The following LDHAL6A variants were observed in gnomAD, a reference collection of about 807,000 sequenced individuals.
LDHAL6A encodes L-lactate dehydrogenase A-like 6A.
Under a neutral mutation model 28.2 loss-of-function variants are expected in LDHAL6A, and 19 were observed. The ratio of observed to expected loss-of-function variants is 0.67; its 90% CI spans 0.47 to 0.99. The LOEUF is 0.99. Ranked by LOEUF, LDHAL6A falls within the 50% of genes least tolerant of loss-of-function variation. LDHAL6A has a pLI of 0.00. For missense variants in LDHAL6A, 372 were observed against 398.6 expected (o/e 0.93, Z 0.57); for synonymous variants, 144 against 134.4 (o/e 1.07, Z -0.49).
chr11:18,464,968 G>GTTTTTTTTTTTTTTTTTTTTTT (rs1565068644), intron 2 of LDHAL6A, among the ~76,000 whole-genome samples: 4 of 3,802 alleles, frequency 1.1e-3, no homozygotes, highest in African/African-American at 1.4e-3. Context: ...GAGGTGAGGT[G>GTTTTTTTTTTTTTTTTTTTTTT]TTTTTTTTGT....
intron 3 of LDHAL6A, among the ~76,000 whole-genome samples, chr11:18,468,026 T>TATATAC (rs1565071669): frequency 1.3e-4 from 7 of 53,756 alleles, no homozygotes; most frequent in African/African-American, 7.4e-4. Context: ...TATATATACG[T>TATATAC]ATATATATAT....
At position 18,475,527 on chromosome 11, in the gene LDHAL6A, A is replaced by G; in HGVS notation, c.480A>G (p.Gly160=). The G allele has an allele frequency of 6.2e-7, 1 of 1,613,944 alleles. No homozygotes were observed. The highest frequency in any genetic ancestry group is 1.3e-5 in the African/African-American group (1 of 75,030). Residue 160 remains glycine (G), a synonymous_variant, in exon 4 of 7, where the codon GGA becomes GGG. Coordinates refer to ENST00000280706, the MANE Select transcript of LDHAL6A (RefSeq NM_144972.5). ...GATTTCCCAAAAACCGTGTTATTGGAAGTGGTTGTAATCTGGACTCTGCTC... is the reference window on the plus strand; with the variant it reads ...GATTTCCCAAAAACCGTGTTATTGGGAGTGGTTGTAATCTGGACTCTGCTC... ...LSGFPKNRVI[G]SGCNLDSARF...
At chr11:18,466,939 T>C (rs1342641164) in intron 3 of LDHAL6A, among the ~76,000 whole-genome samples, 1 of 152,062 alleles carries the variant, frequency 6.6e-6, no homozygotes, top group African/African-American at 2.4e-5. Flanking sequence ...ACTTCGAGAG[T>C]TTTTCCTTTG....
intron 1 of LDHAL6A, 44 bp from the exon 2 acceptor site, chr11:18,463,917 T>C (rs921029827): frequency 8.1e-7 from 1 of 1,235,520 alleles, no homozygotes; most frequent in Non-Finnish European, 1.2e-6. Context: ...CTCCAGTTAA[T>C]CAAGAGATAC....
chr11:18,457,352 CCTTT>C (rs1318293004), intron 1 of LDHAL6A, among the ~76,000 whole-genome samples: 1 of 152,046 alleles, frequency 6.6e-6, no homozygotes, highest in Non-Finnish European at 1.5e-5. Context: ...GATTCTGACC[CCTTT>C]CTAAGAATAT....
At chr11:18,466,039 A>G (rs917816296) in intron 3 of LDHAL6A, among the ~76,000 whole-genome samples, 4 of 152,164 alleles carry the variant, frequency 2.6e-5, no homozygotes, top group Admixed American at 1.3e-4. Context: ...GTGCACCCAC[A>G]TGTTTAGCTC....
At chr11:18,464,976 T>TG (rs1491121855) in intron 2 of LDHAL6A, among the ~76,000 whole-genome samples, 3 of 9,556 alleles carry the variant, frequency 3.1e-4, no homozygotes, top group Admixed American at 1.2e-3. Context: ...GTGTTTTTTT[T>TG]GTTTTTTTTT....
rs754799945 is a variant in LDHAL6A, at chr11:18,464,984, T to TTG, written c.245-652_245-651insGT. On this transcript the variant is annotated intron_variant, in intron 2 of 6. Transcript: ENST00000280706. ...AGGTGAGGTGTTTTTTTTGTTTTTT[T>TTG]TTGTTTTGTTTTGTTTTGGTTTGTT... Among the ~76,000 whole-genome samples the TTG allele has an allele frequency of 1.3e-3, 166 of 128,870 alleles. 6 individuals are homozygous for TTG. Among genetic ancestry groups the TTG allele is most frequent in the Non-Finnish European group, 1.4e-3 (85 of 62,308 alleles). The allele number at this position is 128,870 out of a possible 152,430, so 84.5% of individuals were successfully genotyped here.
At chr11:18,467,864 T>A (rs11024667) in intron 3 of LDHAL6A, among the ~76,000 whole-genome samples, 28,872 of 59,164 alleles carry the variant, frequency 0.49, 6,586 homozygotes, top group East Asian at 0.62. Flanking sequence ...TCAAAAAAAA[T>A]ATATATATAT....
At chr11:18,457,549 C>T (rs1205932517) in intron 1 of LDHAL6A, among the ~76,000 whole-genome samples, 1 of 152,096 alleles carries the variant, frequency 6.6e-6, no homozygotes, top group Non-Finnish European at 1.5e-5. Flanking sequence ...GACATAGTGA[C>T]CTTATGGCAC....
At position 18,465,652 on chromosome 11, in the gene LDHAL6A, C is replaced by G. The variant is rs760606849; in HGVS notation, c.260C>G (p.Ala87Gly). The G allele has an allele frequency of 2.5e-6, 4 of 1,612,998 alleles. No homozygotes were observed. Among genetic ancestry groups the G allele is most frequent in the Non-Finnish European group, 2.5e-6 (3 of 1,179,644 alleles). ...IVSSKDYLVT[A>G]NSNLVIITAG... is the part of the protein sequence containing the mutation. Reference sequence around the variant, plus strand: ...CTTTCCTCAGATTACCTGGTCACTGCAAACTCCAATCTAGTGATTATCACA... The same window carrying G: ...CTTTCCTCAGATTACCTGGTCACTGGAAACTCCAATCTAGTGATTATCACA... The change falls in exon 3 of 7, where the codon GCA becomes GGA. Residue 87 changes from alanine to glycine, a missense_variant. Coordinates refer to ENST00000280706, the MANE Select transcript of LDHAL6A (RefSeq NM_144972.5).
rs527393519 is a variant in LDHAL6A, at chr11:18,467,244, A to T, written c.418+1434A>T. Among the ~76,000 whole-genome samples, 162 of 152,296 alleles carry T rather than the reference A, an allele frequency of 1.1e-3. 1 individual carries two copies. The highest frequency in any genetic ancestry group is 1.4e-3 in the Non-Finnish European group (95 of 68,020). On this transcript the variant is annotated intron_variant, in intron 3 of 6. Transcript: ENST00000280706. ...ATTTTAATTTCGATGCTGAAGAACT[A>T]TTTAACTTTTGTTTCACAGTTTTAT...
intron 1 of LDHAL6A, among the ~76,000 whole-genome samples, chr11:18,462,479 T>C (rs1168407735): frequency 3.3e-5 from 5 of 150,594 alleles, no homozygotes; most frequent in Non-Finnish European, 7.4e-5. Context: ...CTACTAAAAA[T>C]ACAAAAAATT....
intron 3 of LDHAL6A, among the ~76,000 whole-genome samples, chr11:18,467,896 T>TACACACACAC (rs1480875051): frequency 7.3e-5 from 5 of 68,594 alleles, no homozygotes; most frequent in Admixed American, 1.8e-4. Flanking sequence ...TATATATATA[T>TACACACACAC]ATATATATAT....
At chr11:18,468,119 G>A (rs1400443406) in intron 3 of LDHAL6A, among the ~76,000 whole-genome samples, 6 of 143,406 alleles carry the variant, frequency 4.2e-5, no homozygotes, top group Admixed American at 2.1e-4. Context: ...ATGAATTTAT[G>A]TATCAGCTTG....
At chr11:18,458,639 G>A (rs929341930) in intron 1 of LDHAL6A, among the ~76,000 whole-genome samples, 2 of 152,238 alleles carry the variant, frequency 1.3e-5, no homozygotes, top group African/African-American at 2.4e-5. Context: ...ACTCCTTGCT[G>A]ATAAGGAATT....
At chr11:18,462,180 AAAAGT>A (rs1175847207) in intron 1 of LDHAL6A, among the ~76,000 whole-genome samples, 1 of 152,064 alleles carries the variant, frequency 6.6e-6, no homozygotes. Context: ...CTCAGAAACA[AAAAGT>A]AAAAGTAAAA....
At chr11:18,475,301 T>A (rs895374553) in intron 3 of LDHAL6A, 165 bp from the exon 4 acceptor site, 1 of 563,774 alleles carries the variant, frequency 1.8e-6, no homozygotes, top group African/African-American at 1.9e-5. Flanking sequence ...TTACTTCTAT[T>A]TGGTAGATAT....
At chr11:18,458,345 C>T (rs1314170038) in intron 1 of LDHAL6A, among the ~76,000 whole-genome samples, 1 of 152,196 alleles carries the variant, frequency 6.6e-6, no homozygotes, top group African/African-American at 2.4e-5. Flanking sequence ...GTAGGCTCCA[C>T]TGGTGGCTTA....
Sources: allele counts gnomAD v4.1 joint callset (sites outside exome capture counted in the v4.1 genomes callset), GRCh38; gene constraint gnomAD v4.1.1; transcripts MANE v1.5; gene names NCBI Gene and HGNC (gene_info 2026-07-23, HGNC 2026-07-21).